Variants in SH3BP5L observed in about 807,000 individuals in gnomAD.
The protein encoded by SH3BP5L is SH3 domain-binding protein 5-like.
SH3BP5L carries 16 observed loss-of-function variants against 40.9 expected under a neutral mutation model. That is an observed-to-expected ratio of 0.39 (90% CI 0.27 to 0.59). The LOEUF (loss-of-function observed/expected upper bound fraction) is 0.59. Ranked by LOEUF, SH3BP5L falls within the 20% of genes least tolerant of loss-of-function variation. The probability of loss-of-function intolerance (pLI) is 0.53; values close to 1 mark genes in which losing one functional copy is unlikely to be tolerated. For synonymous variants in SH3BP5L, 229 were observed against 226.7 expected, an observed-to-expected ratio of 1.01 and a Z score of -0.09; for missense variants, 471 against 544.6, an observed-to-expected ratio of 0.86 and a Z score of 1.35.
chr1:248,825,881 T>TGC lies in SH3BP5L; in HGVS notation c.-479_-478insGC. 8.5e-6 allele frequency: 8 copies of TGC among 941,878 alleles called. No homozygotes were observed. The highest frequency in any genetic ancestry group is 1.0e-5 in the Non-Finnish European group (8 of 794,228). The allele number at this position is 941,878 out of a possible 1,614,324, so 58.3% of individuals were successfully genotyped here. On this transcript the variant is annotated 5_prime_UTR_variant, in exon 1 of 7. Transcript: ENST00000366472. The stretch of plus-strand genomic sequence containing the variant: ...CGGAGCTTCTATGCTGCAAACAATC[T>TGC]CCCCCCCTCCCTCCCCGCAACAAGC...
chr1:248,811,716 A>C lies in SH3BP5L; in HGVS notation c.*184T>G. The C allele has an allele frequency of 1.9e-6, 1 of 537,692 alleles. No homozygotes were observed. The highest frequency in any genetic ancestry group is 3.3e-6 in the Non-Finnish European group (1 of 305,486). The allele number at this position is 537,692 out of a possible 1,614,324, so 33.3% of individuals were successfully genotyped here. On this transcript the variant is annotated 3_prime_UTR_variant, in exon 7 of 7. Coordinates refer to ENST00000366472, the MANE Select transcript of SH3BP5L (RefSeq NM_030645.3). ...CAAAGAGAGCCGCCTGCTGAGGGGA[A>C]GGGGGAGGCTGTGAGAACGCCAGGG...
intron 2 of SH3BP5L, among the ~76,000 whole-genome samples, chr1:248,823,867 G>C (rs1664310611): frequency 6.6e-6 from 1 of 152,216 alleles, no homozygotes; most frequent in African/African-American, 2.4e-5. Flanking sequence ...GCAGACTCAA[G>C]CCCCAAACAT....
rs1325506876 is a variant in SH3BP5L, at chr1:248,811,658, A to T, written c.*242T>A. Reference sequence around the variant, plus strand: ...TGAGCTGGCAGGCAGAGGCAGACAGAGCGCCGAGGGCGAGCCTTCTGAATG... The same window carrying T: ...TGAGCTGGCAGGCAGAGGCAGACAGTGCGCCGAGGGCGAGCCTTCTGAATG... On this transcript the variant is annotated 3_prime_UTR_variant, in exon 7 of 7. Transcript: ENST00000366472. 7 of 501,346 alleles carry T rather than the reference A, an allele frequency of 1.4e-5. No individual in the cohort carries two copies. The highest frequency in any genetic ancestry group is 2.1e-5 in the Non-Finnish European group (6 of 284,530). 31.1% of individuals were successfully genotyped at this position (501,346 alleles called of 1,614,324 possible).
rs1664366071 is a variant in SH3BP5L, at chr1:248,825,818, C to A, written c.-432+17G>T. On this transcript the variant is annotated intron_variant, in intron 1 of 6. Transcript: ENST00000366472. Reference sequence around the variant, plus strand: ...ATTCTACCCAGCCATGCGCAAAAGCCCCCCGCACAGCCTTACCTCAGTTTA... The same window carrying A: ...ATTCTACCCAGCCATGCGCAAAAGCACCCCGCACAGCCTTACCTCAGTTTA... The A allele has an allele frequency of 1.1e-6, 1 of 912,916 alleles. No individual in the cohort carries two copies. The highest frequency in any genetic ancestry group is 1.3e-6 in the Non-Finnish European group (1 of 783,052). The allele number at this position is 912,916 out of a possible 1,614,324, so 56.6% of individuals were successfully genotyped here.
rs944413474 is a variant in SH3BP5L at position 248,825,886 on chromosome 1, C to G, written c.-483G>C. On this transcript the variant is annotated 5_prime_UTR_variant, in exon 1 of 7. Transcript: ENST00000366472. ...CTTCTATGCTGCAAACAATCTCCCC[C>G]CCTCCCTCCCCGCAACAAGCCGATC... is the stretch of plus-strand genomic sequence containing the variant. The G allele has an allele frequency of 5.1e-6, 5 of 973,872 alleles. No individual in the cohort carries two copies. The highest frequency in any genetic ancestry group is 5.2e-4 in the Middle Eastern group (1 of 1,918). The allele number at this position is 973,872 out of a possible 1,614,324, so 60.3% of individuals were successfully genotyped here.
intron 2 of SH3BP5L, 27 bp downstream of exon 2, chr1:248,824,726 T>G (rs1468390101): frequency 6.2e-7 from 1 of 1,609,944 alleles, no homozygotes; most frequent in African/African-American, 1.3e-5. Flanking sequence ...TGGGCTCTCC[T>G]TCTCTCCCTG....
In SH3BP5L at chr1:248,821,396, G is replaced by T; in HGVS notation, c.183+3357C>A. On this transcript the variant is annotated intron_variant, in intron 2 of 6. Coordinates refer to ENST00000366472, the MANE Select transcript of SH3BP5L (RefSeq NM_030645.3). This position sits in a 1 kb window ranked among gnomAD's most constrained non-coding sequence, Gnocchi z 4.6. The stretch of plus-strand genomic sequence containing the variant: ...CAGGATGCCAGGACACTGAATCAAA[G>T]GCATGGGGACTCAGGCTGCAGATGC... 1 of 152,482 alleles carries T rather than the reference G, an allele frequency of 6.6e-6. No homozygotes were observed. The highest frequency in any genetic ancestry group is 2.4e-5 in the African/African-American group (1 of 41,568). 9.4% of individuals were successfully genotyped at this position (152,482 alleles called of 1,614,324 possible). A position where few individuals can be genotyped will look rare whatever the true frequency, so the allele number is the denominator to read the frequency against.
In SH3BP5L at chr1:248,811,471, C is replaced by T. The variant is rs149626757; in HGVS notation, c.*429G>A. 232 of 170,016 alleles carry T rather than the reference C, an allele frequency of 1.4e-3. No homozygotes were observed. The highest frequency in any genetic ancestry group is 5.2e-3 in the African/African-American group (221 of 42,216). 10.5% of individuals were successfully genotyped at this position (170,016 alleles called of 1,614,324 possible). On this transcript the variant is annotated 3_prime_UTR_variant, in exon 7 of 7. Coordinates refer to ENST00000366472, the MANE Select transcript of SH3BP5L (RefSeq NM_030645.3). Reference sequence around the variant, plus strand: ...GGCTGGAAACCAACGGGAGGGGTGACTGTCCATCCCCTCCGACGGGAGTAC... The same window carrying T: ...GGCTGGAAACCAACGGGAGGGGTGATTGTCCATCCCCTCCGACGGGAGTAC...
chr1:248,815,655 C>A (rs1175817897), intron 4 of SH3BP5L, among the ~76,000 whole-genome samples: 1 of 152,160 alleles, frequency 6.6e-6, no homozygotes, highest in African/African-American at 2.4e-5. Flanking sequence ...CTACTTCTCC[C>A]CGACCAAGCC....
chr1:248,818,864 C>T (rs1664179374), intron 2 of SH3BP5L, among the ~76,000 whole-genome samples: 1 of 152,216 alleles, frequency 6.6e-6, no homozygotes, highest in African/African-American at 2.4e-5. Flanking sequence ...TTCACCAGCC[C>T]CTGCTGTCTC....
rs72770960 is a variant in SH3BP5L at position 248,823,611 on chromosome 1, C to T, written c.183+1142G>A. On this transcript the variant is annotated intron_variant, in intron 2 of 6. Coordinates refer to ENST00000366472, the MANE Select transcript of SH3BP5L (RefSeq NM_030645.3). ...GCCAGAAACAAATGGCTCACCACTG[C>T]TCCATTATAAGCATGGACACAGTAG... Among the ~76,000 whole-genome samples, 1,516 of 152,284 alleles carry T rather than the reference C, an allele frequency of 1.0e-2. 19 individuals are homozygous for T. Among genetic ancestry groups the T allele is most frequent in the Non-Finnish European group, 0.016 (1,117 of 68,028 alleles).
chr1:248,814,235 G>T, intron 5 of SH3BP5L: 1 of 598,742 alleles, frequency 1.7e-6, no homozygotes, highest in South Asian at 2.0e-5. Context: ...TTCAAGAAGA[G>T]CCCGGGATGA....
rs778000987 is a variant in SH3BP5L at position 248,816,485 on chromosome 1, G to A, written c.375+49C>T. ...TCCATATAGAGACAGAAGAATCCAG[G>A]GCCAGGCTCAGCACGTAGCCTTCCT... On this transcript the variant is annotated intron_variant, in intron 4 of 6. Transcript: ENST00000366472. 6.8e-6 allele frequency: 11 copies of A among 1,611,050 alleles called. No individual in the cohort carries two copies. The African/African-American group carries it at 8.0e-5, about 12-fold the overall frequency.
chr1:248,818,761 C>G (rs1413150812), intron 2 of SH3BP5L, among the ~76,000 whole-genome samples: 1 of 152,250 alleles, frequency 6.6e-6, no homozygotes, highest in Admixed American at 6.5e-5. Flanking sequence ...CCCAGAGCCC[C>G]TGGTGAGCTA....
At position 248,811,727 on chromosome 1, in the gene SH3BP5L, G is replaced by C. The variant is rs1127427; in HGVS notation, c.*173C>G. ...GCCTGCTGAGGGGAAGGGGGAGGCT[G>C]TGAGAACGCCAGGGCAGGCACAGAG... On this transcript the variant is annotated 3_prime_UTR_variant, in exon 7 of 7. Transcript: ENST00000366472. The C allele has an allele frequency of 0.11, 63,871 of 569,056 alleles. 4,382 individuals carry two copies. The highest frequency in any genetic ancestry group is 0.26 in the East Asian group (8,493 of 32,502). 35.3% of individuals were successfully genotyped at this position (569,056 alleles called of 1,614,324 possible).
At position 248,810,453 on chromosome 1, in the gene SH3BP5L, T is replaced by C. The variant is rs1434850580; in HGVS notation, c.*1447A>G. 6.6e-6 allele frequency: 1 copy of C among 152,366 alleles called. No individual in the cohort carries two copies. The highest frequency in any genetic ancestry group is 2.4e-5 in the African/African-American group (1 of 41,446). The allele number at this position is 152,366 out of a possible 1,614,324, so 9.4% of individuals were successfully genotyped here. ...CAGCAAGGACAGTAGATGTTAACTG[T>C]TACATAAACTACTTTATTTAAATAA... On this transcript the variant is annotated 3_prime_UTR_variant, in exon 7 of 7. Coordinates refer to ENST00000366472, the MANE Select transcript of SH3BP5L (RefSeq NM_030645.3).
chr1:248,811,909 G>A lies in SH3BP5L; in HGVS notation c.1173C>T (p.Val391=). Residue 391 remains valine, a synonymous_variant, in exon 7 of 7, where the codon GTC becomes GTT. Coordinates refer to ENST00000366472, the MANE Select transcript of SH3BP5L (RefSeq NM_030645.3). ...GARGGRHQRS[V]SL Reference sequence around the variant, plus strand: ...AACCCTGGCCCCTCGGCTACAGGCTGACGCTGCGCTGGTGCCGACCCCCAC... The same window carrying A: ...AACCCTGGCCCCTCGGCTACAGGCTAACGCTGCGCTGGTGCCGACCCCCAC... The A allele has an allele frequency of 6.5e-7, 1 of 1,529,500 alleles. No individual in the cohort carries two copies. Among genetic ancestry groups the A allele is most frequent in the South Asian group, 1.2e-5 (1 of 82,466 alleles). 94.7% of individuals were successfully genotyped at this position (1,529,500 alleles called of 1,614,324 possible). A position where few individuals can be genotyped will look rare whatever the true frequency, so the allele number is the denominator to read the frequency against.
chr1:248,813,103 C>A lies in SH3BP5L; in HGVS notation c.597G>T (p.Arg199=). ...RGEREHQRVT[R]LCQQAEARVQ... ...CCCGAGCCTCAGCCTGTTGGCACAG[C>A]CGAGTCACTCGCTGGTGCTCCCGCT... Residue 199 remains arginine (R), a synonymous_variant, in exon 6 of 7, where the codon CGG becomes CGT. Transcript: ENST00000366472. 1 of 1,611,520 alleles carries A rather than the reference C, an allele frequency of 6.2e-7. No homozygotes were observed. The highest frequency in any genetic ancestry group is 8.5e-7 in the Non-Finnish European group (1 of 1,178,676).
At position 248,811,866 on chromosome 1, in the gene SH3BP5L, TG is replaced by T; in HGVS notation, c.*33del. The stretch of plus-strand genomic sequence containing the variant: ...ACTGTGGGCCCCAACCGGCCCGTGG[TG>T]GCAGATTCAAGCCAGGAACCCTGGC... On this transcript the variant is annotated 3_prime_UTR_variant, in exon 7 of 7. Transcript: ENST00000366472. 7.0e-7 allele frequency: 1 copy of T among 1,429,060 alleles called. No individual in the cohort carries two copies. The highest frequency in any genetic ancestry group is 9.4e-7 in the Non-Finnish European group (1 of 1,068,352). 88.5% of individuals were successfully genotyped at this position (1,429,060 alleles called of 1,614,324 possible). A position where few individuals can be genotyped will look rare whatever the true frequency, so the allele number is the denominator to read the frequency against.
Sources: gnomAD v4.1 joint callset for allele counts (sites outside exome capture counted in the v4.1 genomes callset) on GRCh38, gnomAD v4.1.1 for gene constraint, Gnocchi (gnomAD v3.1) non-coding constraint, MANE v1.5 for transcripts, NCBI Gene and HGNC (gene_info 2026-07-23, HGNC 2026-07-21) for gene names.